The following PID1 variants were observed in gnomAD, a reference collection of about 807,000 sequenced individuals.
PID1 encodes the protein PTB-containing, cubilin and LRP1-interacting protein.
In PID1, 10 loss-of-function variants were observed where a neutral mutation model predicts 19.1. The ratio of observed to expected loss-of-function variants is 0.52; its 90% confidence interval spans 0.32 to 0.89. The LOEUF (loss-of-function observed/expected upper bound fraction) is 0.89. PID1 is among the 40% of genes least tolerant of loss of function. PID1 has a pLI of 0.03. For missense variants in PID1, 248 were observed against 285.3 expected, an observed-to-expected ratio of 0.87 and a Z score of 0.94; for synonymous variants, 130 against 116.0, an observed-to-expected ratio of 1.12 and a Z score of -0.78.
At chr2:229,233,725 C>G (rs1478196917) in intron 1 of PID1, among the ~76,000 whole-genome samples, 1 of 152,148 alleles carries the variant, frequency 6.6e-6, no homozygotes, top group African/African-American at 2.4e-5. Context: ...CTCCTGACCT[C>G]AGGTGATCCA....
At chr2:229,236,075 C>T (rs1226988) in intron 1 of PID1, among the ~76,000 whole-genome samples, 119,215 of 152,034 alleles carry the variant, frequency 0.78, 46,947 homozygotes, top group East Asian at 0.91. Flanking sequence ...GCACATCACC[C>T]GAAGATGATC....
At chr2:229,252,637 ATTC>A (rs1488289203) in intron 1 of PID1, among the ~76,000 whole-genome samples, 1 of 152,328 alleles carries the variant, frequency 6.6e-6, no homozygotes, top group South Asian at 2.1e-4. Flanking sequence ...TAAACTCTGT[ATTC>A]TTCTTTCCCT....
At chr2:229,102,782 C>T (rs1436061526) in intron 2 of PID1, among the ~76,000 whole-genome samples, 1 of 152,192 alleles carries the variant, frequency 6.6e-6, no homozygotes, top group Non-Finnish European at 1.5e-5. Context: ...GTGGGCAGAG[C>T]CAGTCACAGA....
At chr2:229,044,967 T>C (rs547704543) in intron 2 of PID1, among the ~76,000 whole-genome samples, 1 of 152,364 alleles carries the variant, frequency 6.6e-6, no homozygotes, top group Non-Finnish European at 1.5e-5. Context: ...GGGTAGTTTT[T>C]TTTTTAGATG....
chr2:229,225,703 T>C (rs934916129), intron 1 of PID1, among the ~76,000 whole-genome samples: 2 of 152,152 alleles, frequency 1.3e-5, no homozygotes, highest in African/African-American at 4.8e-5. Flanking sequence ...GTTTAGCATG[T>C]CTGGGGAGGC....
chr2:229,114,988 T>C (rs1012778110), intron 2 of PID1, among the ~76,000 whole-genome samples: 7 of 152,288 alleles, frequency 4.6e-5, no homozygotes, highest in African/African-American at 1.7e-4. Context: ...TACTGAACAA[T>C]GAAAAAGTCA....
chr2:229,089,185 C>G (rs2106217525), intron 2 of PID1, among the ~76,000 whole-genome samples: 1 of 152,274 alleles, frequency 6.6e-6, no homozygotes, highest in South Asian at 2.1e-4. Flanking sequence ...GCAAAAGCAG[C>G]TGGTCATCAA....
intron 2 of PID1, among the ~76,000 whole-genome samples, chr2:229,141,903 GAAC>G (rs1690020437): frequency 6.6e-6 from 1 of 151,820 alleles, no homozygotes; most frequent in Admixed American, 6.6e-5. Flanking sequence ...ACAAAGAAAT[GAAC>G]AACTGGCACA....
At chr2:229,139,034 A>G (rs1212134635) in intron 2 of PID1, among the ~76,000 whole-genome samples, 2 of 68,312 alleles carry the variant, frequency 2.9e-5, no homozygotes, top group Admixed American at 1.3e-4. Flanking sequence ...AAAGAAAGAA[A>G]GAAAGAGAAA....
At chr2:229,140,013 A>T (rs1357423089) in intron 2 of PID1, among the ~76,000 whole-genome samples, 1 of 152,086 alleles carries the variant, frequency 6.6e-6, no homozygotes, top group African/African-American at 2.4e-5. Flanking sequence ...ATATTCATGA[A>T]TGAGCTTGGC....
intron 1 of PID1, among the ~76,000 whole-genome samples, chr2:229,214,638 AAAATT>A (rs1165785474): frequency 1.3e-5 from 2 of 152,214 alleles, no homozygotes; most frequent in Admixed American, 1.3e-4. Context: ...TGTAAAAAAT[AAAATT>A]AAAGTGATAT....
intron 1 of PID1, among the ~76,000 whole-genome samples, chr2:229,187,358 A>G (rs779912815): frequency 1.1e-4 from 16 of 152,154 alleles, no homozygotes; most frequent in Non-Finnish European, 1.8e-4. Context: ...AGACTGGGCA[A>G]TTTACAAAAG....
At chr2:229,041,907 G>A (rs1262266667) in intron 2 of PID1, among the ~76,000 whole-genome samples, 1 of 152,144 alleles carries the variant, frequency 6.6e-6, no homozygotes, top group African/African-American at 2.4e-5. Context: ...ACATTAATGA[G>A]ACCAATCTCA....
intron 1 of PID1, among the ~76,000 whole-genome samples, chr2:229,198,917 T>C (rs901249519): frequency 6.6e-6 from 1 of 152,062 alleles, no homozygotes; most frequent in Non-Finnish European, 1.5e-5. Context: ...AAGATCAGAT[T>C]ATATAATGTC....
At chr2:229,068,205 G>A (rs1051872743) in intron 2 of PID1, among the ~76,000 whole-genome samples, 3 of 152,190 alleles carry the variant, frequency 2.0e-5, no homozygotes, top group African/African-American at 7.2e-5. Flanking sequence ...ATTGAGAAGG[G>A]AGCTGTGCTT....
chr2:229,261,261 C>A (rs528812090), intron 1 of PID1, among the ~76,000 whole-genome samples: 34 of 152,308 alleles, frequency 2.2e-4, no homozygotes, highest in African/African-American at 7.9e-4. Context: ...ACCCACAGTA[C>A]CAGTACCACC....
intron 2 of PID1, among the ~76,000 whole-genome samples, chr2:229,085,418 C>T (rs964109322): frequency 3.3e-5 from 5 of 152,082 alleles, no homozygotes; most frequent in Non-Finnish European, 5.9e-5. Flanking sequence ...TTTACCTTTG[C>T]ATTTTACCAT....
chr2:229,150,207 G>C (rs1387627283), intron 2 of PID1, among the ~76,000 whole-genome samples: 3 of 140,480 alleles, frequency 2.1e-5, no homozygotes, highest in African/African-American at 8.1e-5. Flanking sequence ...CTGCACTCCA[G>C]CCTGGGAAAC....
chr2:229,138,986 A>AAC (rs1559251007), intron 2 of PID1, among the ~76,000 whole-genome samples: 6 of 59,900 alleles, frequency 1.0e-4, no homozygotes, highest in African/African-American at 4.2e-4. Context: ...AATAGAAGAA[A>AAC]GAAAGAAAGA....
Sources: gnomAD v4.1 joint callset for allele counts (sites outside exome capture counted in the v4.1 genomes callset) on GRCh38, gnomAD v4.1.1 for gene constraint, MANE v1.5 for transcripts, NCBI Gene and HGNC (gene_info 2026-07-23, HGNC 2026-07-21) for gene names.